Variants in ZCWPW2 observed in about 807,000 individuals in gnomAD.
The protein encoded by ZCWPW2 is zinc finger CW-type PWWP domain protein 2.
A neutral mutation model predicts 46.6 loss-of-function variants in ZCWPW2; 45 were observed. The observed-to-expected ratio is 0.96, with a 90% CI of 0.76 to 1.24. ZCWPW2 has a LOEUF of 1.24. Ranked by LOEUF, ZCWPW2 falls within the 50% of genes most tolerant of loss-of-function variation. The pLI, the probability that ZCWPW2 is intolerant of heterozygous loss-of-function variation, is 0.00. For synonymous variants in ZCWPW2, 152 were observed against 137.1 expected, an observed-to-expected ratio of 1.11 and a Z score of -0.76; for missense variants, 429 against 403.9, an observed-to-expected ratio of 1.06 and a Z score of -0.53.
At chr3:28,457,169 TA>T (rs1452356121) in intron 4 of ZCWPW2, among the ~76,000 whole-genome samples, 10 of 152,196 alleles carry the variant, frequency 6.6e-5, no homozygotes, top group Admixed American at 6.5e-4. Flanking sequence ...CAGTGCTGAC[TA>T]AACTAGTTTT....
intron 1 of ZCWPW2, among the ~76,000 whole-genome samples, chr3:28,352,943 G>A (rs889933069): frequency 6.6e-6 from 1 of 152,032 alleles, no homozygotes; most frequent in Non-Finnish European, 1.5e-5. Context: ...CAGCACTTTG[G>A]GAGGCTGAGA....
chr3:28,361,353 C>T (rs1704937576), intron 1 of ZCWPW2, among the ~76,000 whole-genome samples: 1 of 152,134 alleles, frequency 6.6e-6, no homozygotes, highest in South Asian at 2.1e-4. Context: ...GGACCTTTAT[C>T]TTACACCATA....
chr3:28,480,839 A>G (rs1413769281), intron 5 of ZCWPW2, among the ~76,000 whole-genome samples: 1 of 149,990 alleles, frequency 6.7e-6, no homozygotes, highest in African/African-American at 2.4e-5. Context: ...TTTATTAAGT[A>G]GGGAATCCTT....
At chr3:28,380,167 G>A (rs1694984792) in intron 1 of ZCWPW2, among the ~76,000 whole-genome samples, 1 of 151,784 alleles carries the variant, frequency 6.6e-6, no homozygotes, top group African/African-American at 2.4e-5. Flanking sequence ...TATTTTTTTA[G>A]TAGACACGGG....
chr3:28,466,959 A>T (rs1369201808), intron 4 of ZCWPW2, among the ~76,000 whole-genome samples: 1 of 152,154 alleles, frequency 6.6e-6, no homozygotes, highest in African/African-American at 2.4e-5. Flanking sequence ...TGACAAACTA[A>T]TTATAAATTT....
At chr3:28,386,930 G>C (rs73825144) in intron 1 of ZCWPW2, among the ~76,000 whole-genome samples, 1,677 of 152,220 alleles carry the variant, frequency 0.011, 27 homozygotes, top group African/African-American at 0.03. Flanking sequence ...AAGGAGAATT[G>C]GTGGGGCAGA....
rs189546685 is a variant in ZCWPW2, at chr3:28,403,749, C to G, written c.-13-9307C>G. ...ACTCAGAAATAAACCCAAATACTTA[C>G]AGCCAACTGATCTTTGACAAAGCAA... On this transcript the variant is annotated intron_variant, in intron 2 of 9. Transcript: ENST00000383768. Among the ~76,000 whole-genome samples the G allele has an allele frequency of 9.9e-3, 1,513 of 152,178 alleles. 11 individuals carry two copies. The highest frequency in any genetic ancestry group is 0.044 in the Middle Eastern group (13 of 294).
At chr3:28,395,239 A>G (rs906658293) in intron 2 of ZCWPW2, among the ~76,000 whole-genome samples, 1 of 152,138 alleles carries the variant, frequency 6.6e-6, no homozygotes, top group African/African-American at 2.4e-5. Flanking sequence ...AAGGGTGGCT[A>G]TTATCAAAAA....
intron 1 of ZCWPW2, among the ~76,000 whole-genome samples, chr3:28,360,128 A>T (rs1168506211): frequency 6.6e-6 from 1 of 151,938 alleles, no homozygotes; most frequent in Non-Finnish European, 1.5e-5. Context: ...TTAATAATGT[A>T]TACATTAATG....
rs1042479288 is a variant in ZCWPW2, at chr3:28,524,411, A to G, written c.910-116A>G. ...ATATAGTGATTATTATTTGAACACTAGAATAACAGAAAAGTTTGTGTAGCT... is the reference window on the plus strand; with the variant it reads ...ATATAGTGATTATTATTTGAACACTGGAATAACAGAAAAGTTTGTGTAGCT... On this transcript the variant is annotated intron_variant, in intron 9 of 9. Coordinates refer to ENST00000383768, the MANE Select transcript of ZCWPW2 (RefSeq NM_001040432.4). The G allele has an allele frequency of 1.5e-5, 15 of 1,026,706 alleles. No homozygotes were observed. In the African/African-American group the frequency reaches 1.8e-4, roughly 12 times the overall value. 63.6% of individuals were successfully genotyped at this position (1,026,706 alleles called of 1,614,324 possible). A position where few individuals can be genotyped will look rare whatever the true frequency, so the allele number is the denominator to read the frequency against.
intron 6 of ZCWPW2, among the ~76,000 whole-genome samples, chr3:28,502,737 G>A (rs1026324215): frequency 5.3e-5 from 8 of 152,120 alleles, no homozygotes; most frequent in East Asian, 1.9e-4. Flanking sequence ...GCTTATTGTC[G>A]CTAGGGTTGC....
At chr3:28,438,780 T>C (rs185235537) in intron 4 of ZCWPW2, among the ~76,000 whole-genome samples, 5 of 152,058 alleles carry the variant, frequency 3.3e-5, no homozygotes, top group Admixed American at 3.3e-4. Context: ...AAGGAAGATA[T>C]TGAGAGTCAA....
chr3:28,357,147 T>C (rs1257020234), intron 1 of ZCWPW2, among the ~76,000 whole-genome samples: 1 of 152,180 alleles, frequency 6.6e-6, no homozygotes, highest in Non-Finnish European at 1.5e-5. Flanking sequence ...TTCATTTACA[T>C]TATAAAAACC....
intron 6 of ZCWPW2, among the ~76,000 whole-genome samples, chr3:28,508,180 G>A (rs1403647664): frequency 6.6e-6 from 1 of 152,014 alleles, no homozygotes; most frequent in Non-Finnish European, 1.5e-5. Context: ...CCACAAAGGA[G>A]GGCATTGATC....
intron 1 of ZCWPW2, among the ~76,000 whole-genome samples, chr3:28,388,640 A>T (rs1288482926): frequency 6.6e-6 from 1 of 152,120 alleles, no homozygotes; most frequent in Non-Finnish European, 1.5e-5. Flanking sequence ...TTTGGCTTAT[A>T]CTCACATATA....
intron 3 of ZCWPW2, among the ~76,000 whole-genome samples, chr3:28,423,544 T>G (rs1037886027): frequency 1.3e-5 from 2 of 151,756 alleles, no homozygotes; most frequent in Admixed American, 6.6e-5. Flanking sequence ...TTTTTTGTAT[T>G]TTTAGTAGAG....
At chr3:28,489,942 C>T (rs2125814996) in intron 5 of ZCWPW2, among the ~76,000 whole-genome samples, 1 of 152,068 alleles carries the variant, frequency 6.6e-6, no homozygotes, top group African/African-American at 2.4e-5. Context: ...AACTCTGCAT[C>T]TGAAAAAGGT....
At chr3:28,413,506 C>T in intron 3 of ZCWPW2, 106 bp downstream of exon 3, 2 of 1,000,372 alleles carry the variant, frequency 2.0e-6, no homozygotes, top group Non-Finnish European at 2.9e-6. Flanking sequence ...CTACTTGTTT[C>T]TTGATTTATC....
At chr3:28,398,810 G>T (rs1695807159) in intron 2 of ZCWPW2, among the ~76,000 whole-genome samples, 1 of 152,154 alleles carries the variant, frequency 6.6e-6, no homozygotes, top group African/African-American at 2.4e-5. Context: ...CCCCTAGAAA[G>T]CCATATCTGC....
Sources: gnomAD v4.1 joint callset for allele counts (sites outside exome capture counted in the v4.1 genomes callset) on GRCh38, gnomAD v4.1.1 for gene constraint, MANE v1.5 for transcripts, NCBI Gene and HGNC (gene_info 2026-07-23, HGNC 2026-07-21) for gene names.